A2ML1: variants seen among roughly 807,000 people sequenced by gnomAD.
A2ML1 encodes the protein alpha-2-macroglobulin-like protein 1.
A2ML1 carries 161 observed loss-of-function variants against 181.9 expected under a neutral mutation model. That is an observed-to-expected ratio of 0.89 (90% confidence interval 0.78 to 1.01). The LOEUF is 1.01. Ranked by LOEUF, A2ML1 falls within the 50% of genes least tolerant of loss-of-function variation. The pLI, the probability that A2ML1 is intolerant of heterozygous loss-of-function variation, is 0.00. For missense variants in A2ML1, 1,670 were observed against 1,768.1 expected (o/e 0.94, Z 1.00); for synonymous variants, 663 against 666.8 (o/e 0.99, Z 0.09).
intron 35 of A2ML1, chr12:8,875,779 A>C (rs1334565038): frequency 2.4e-5 from 1 of 42,272 alleles, no homozygotes; most frequent in Non-Finnish European, 6.5e-5. Flanking sequence ...AGAAAAAGCT[A>C]ATGCTTGGTA....
chr12:8,830,103 G>C (rs1943063571), intron 4 of A2ML1, among the ~76,000 whole-genome samples: 1 of 152,150 alleles, frequency 6.6e-6, no homozygotes, highest in Non-Finnish European at 1.5e-5. Context: ...CCAGGCTGGA[G>C]TGCAATGGCG....
chr12:8,885,003 T>C (rs1484075054), intron 7 of A2ML1, among the ~76,000 whole-genome samples: 1 of 152,254 alleles, frequency 6.6e-6, no homozygotes, highest in African/African-American at 2.4e-5. Context: ...TGTGTCTTTA[T>C]GGTAGAATGA....
chr12:8,881,477 A>G (rs981599051), downstream of A2ML1, among the ~76,000 whole-genome samples: 7 of 152,212 alleles, frequency 4.6e-5, no homozygotes, highest in Admixed American at 1.3e-4. Context: ...GTCTCTTGTC[A>G]TATAAGTTAT....
At chr12:8,831,549 G>A (rs1033582058) in intron 4 of A2ML1, among the ~76,000 whole-genome samples, 4 of 152,144 alleles carry the variant, frequency 2.6e-5, no homozygotes, top group African/African-American at 9.7e-5. Context: ...TACCAAGAAA[G>A]CTAGGATAAA....
At chr12:8,875,223 G>A (rs905804019) in intron 35 of A2ML1, among the ~76,000 whole-genome samples, 4 of 150,466 alleles carry the variant, frequency 2.7e-5, no homozygotes, top group Admixed American at 2.0e-4. Context: ...GATTATAGGC[G>A]CCCACCATGA....
intron 33 of A2ML1, among the ~76,000 whole-genome samples, chr12:8,872,738 C>T (rs1398070028): frequency 6.9e-6 from 1 of 145,978 alleles, no homozygotes; most frequent in African/African-American, 2.6e-5. Flanking sequence ...GAGCCGAGAT[C>T]ATGCCACTAT....
chr12:8,878,071 G>A (rs976982348), downstream of A2ML1, among the ~76,000 whole-genome samples: 1 of 152,136 alleles, frequency 6.6e-6, no homozygotes, highest in Non-Finnish European at 1.5e-5. The surrounding 1 kb of genome is among the most constrained non-coding windows in gnomAD (Gnocchi z 4.4). Flanking sequence ...GGGAGGCCGA[G>A]GTGGGTGGAT....
At position 8,822,727 on chromosome 12, in the gene A2ML1, G is replaced by A. The variant is rs1176485346; in HGVS notation, c.62+14G>A. The A allele has an allele frequency of 5.6e-6, 9 of 1,613,724 alleles. No homozygotes were observed. The Admixed American group carries it at 1.0e-4, about 18-fold the overall frequency. Reference sequence around the variant, plus strand: ...AGAAGAACTTCCGTGAGTGCTTGGTGTCAGAATTGGTTTATTAGGGCAGCG... The same window carrying A: ...AGAAGAACTTCCGTGAGTGCTTGGTATCAGAATTGGTTTATTAGGGCAGCG... On this transcript the variant is annotated intron_variant, in intron 1 of 35. Coordinates refer to ENST00000299698, the MANE Select transcript of A2ML1 (RefSeq NM_144670.6).
intron 10 of A2ML1, among the ~76,000 whole-genome samples, chr12:8,841,005 A>C (rs1470238170): frequency 6.8e-4 from 55 of 80,306 alleles, no homozygotes; most frequent in African/African-American, 1.7e-3. Context: ...GAAGGAAGGA[A>C]GGAAGGACGG....
intron 1 of A2ML1, 130 bp from the exon 2 acceptor site, chr12:8,823,052 T>G: frequency 1.1e-6 from 1 of 908,580 alleles, no homozygotes; most frequent in Non-Finnish European, 1.7e-6. Flanking sequence ...TTGTAGAAAA[T>G]GAGGTGCATA....
chr12:8,837,162 G>T (rs1015734504), intron 7 of A2ML1, among the ~76,000 whole-genome samples: 3 of 152,118 alleles, frequency 2.0e-5, no homozygotes, highest in African/African-American at 7.2e-5. Flanking sequence ...TGGGATTACA[G>T]GTGTGAGCCA....
chr12:8,848,482 A>G (rs1229678403), intron 15 of A2ML1, among the ~76,000 whole-genome samples: 1 of 151,722 alleles, frequency 6.6e-6, no homozygotes, highest in East Asian at 1.9e-4. Context: ...CTCCGTCTCA[A>G]AAAAAAAACA....
At chr12:8,869,558 T>C (rs753773582) in intron 33 of A2ML1, among the ~76,000 whole-genome samples, 6 of 152,220 alleles carry the variant, frequency 3.9e-5, no homozygotes, top group Non-Finnish European at 8.8e-5. Context: ...TACAGACGTA[T>C]TAATGAGATA....
At position 8,857,587 on chromosome 12, in the gene A2ML1, T is replaced by C. The variant is rs759173618; in HGVS notation, c.3106T>C (p.Trp1036Arg). Reference sequence around the variant, plus strand: ...GGAGCGAGATGGAAATGGAAACACATGGTAATATCACCCAATTCCCAATGA... The same window carrying C: ...GGAGCGAGATGGAAATGGAAACACACGGTAATATCACCCAATTCCCAATGA... Reference protein sequence around the residue: ...FGERDGNGNTWLTAFVTKCFG... With the variant: ...FGERDGNGNTRLTAFVTKCFG... The change falls in exon 25 of 36, where the codon TGG becomes CGG. Residue 1036 changes from tryptophan (W) to arginine (R), a missense_variant and splice_region_variant. Coordinates refer to ENST00000299698, the MANE Select transcript of A2ML1 (RefSeq NM_144670.6). 1 of 1,609,980 alleles carries C rather than the reference T, an allele frequency of 6.2e-7. No homozygotes were observed. Among genetic ancestry groups the C allele is most frequent in the Non-Finnish European group, 8.5e-7 (1 of 1,178,106 alleles).
At chr12:8,846,609 T>C (rs12372537) in intron 14 of A2ML1, among the ~76,000 whole-genome samples, 150,722 of 152,136 alleles carry the variant, frequency 0.99, 74,680 homozygotes, top group Middle Eastern at 1. Flanking sequence ...CACCTGATGC[T>C]AGGAGTTCAA....
At position 8,852,398 on chromosome 12, in the gene A2ML1, A is replaced by G; in HGVS notation, c.2590+62A>G. On this transcript the variant is annotated intron_variant, in intron 20 of 35. Coordinates refer to ENST00000299698, the MANE Select transcript of A2ML1 (RefSeq NM_144670.6). This position sits in a 1 kb window ranked among gnomAD's most constrained non-coding sequence, Gnocchi z 4.2. The stretch of plus-strand genomic sequence containing the variant: ...AGCAGCAGAAGACCAGTGACTGAGC[A>G]CTCAGTCTTTTCCTCTGCCACATCT... 1.2e-6 allele frequency: 2 copies of G among 1,601,516 alleles called. No homozygotes were observed. The highest frequency in any genetic ancestry group is 2.2e-5 in the South Asian group (2 of 89,334).
rs1400701728 is a variant in A2ML1 at position 8,864,026 on chromosome 12, C to T, written c.3717+18C>T. 2 of 1,599,836 alleles carry T rather than the reference C, an allele frequency of 1.3e-6. No individual in the cohort carries two copies. The highest frequency in any genetic ancestry group is 2.2e-5 in the South Asian group (2 of 90,242). On this transcript the variant is annotated intron_variant, in intron 29 of 35. Coordinates refer to ENST00000299698, the MANE Select transcript of A2ML1 (RefSeq NM_144670.6). ...CTACTCAGGTAAACAGCCTGTTCTC[C>T]CACTGCCACTTATCAGGTAGAATTA...
In A2ML1 at chr12:8,874,956, T is replaced by C. The variant is rs1395121194; in HGVS notation, c.4325-15T>C. The C allele has an allele frequency of 1.2e-6, 2 of 1,613,896 alleles. No individual in the cohort carries two copies. Among genetic ancestry groups the C allele is most frequent in the African/African-American group, 1.3e-5 (1 of 75,044 alleles). On this transcript the variant is annotated splice_polypyrimidine_tract_variant and intron_variant, in intron 34 of 35. Transcript: ENST00000299698. ...AGGCCCTCAAAGTAATAATATGACT[T>C]ATTTCATTTCACAGATGAACAGGCA...
intron 12 of A2ML1, 76 bp downstream of exon 12, chr12:8,843,437 A>G: frequency 7.1e-7 from 1 of 1,405,920 alleles, no homozygotes; most frequent in Non-Finnish European, 9.7e-7. Context: ...CAGAGGGTGC[A>G]CCTAGGCTAT....
Sources: allele counts gnomAD v4.1 joint callset (sites outside exome capture counted in the v4.1 genomes callset), GRCh38; gene constraint gnomAD v4.1.1; non-coding constraint Gnocchi (gnomAD v3.1); transcripts MANE v1.5; gene names NCBI Gene and HGNC (gene_info 2026-07-23, HGNC 2026-07-21).